Variants in BCAP29 observed in about 807,000 individuals in gnomAD.
BCAP29 encodes B cell receptor associated protein 29, also known as B-cell receptor-associated protein 29.
In BCAP29, 34 loss-of-function variants were observed where a neutral mutation model predicts 31.8. The ratio of observed to expected loss-of-function variants is 1.07; its 90% CI spans 0.81 to 1.42. The LOEUF (loss-of-function observed/expected upper bound fraction) is 1.42, where lower values mean the gene tolerates loss of function less well. Ranked by LOEUF, BCAP29 falls within the 40% of genes most tolerant of loss-of-function variation. BCAP29 has a pLI of 0.00. For synonymous variants in BCAP29, 104 were observed against 91.3 expected, an observed-to-expected ratio of 1.14 and a Z score of -0.79; for missense variants, 314 against 269.2, an observed-to-expected ratio of 1.17 and a Z score of -1.16.
chr7:107,622,120 C>G, downstream of BCAP29: 3 of 400,052 alleles, frequency 7.5e-6, no homozygotes, highest in South Asian at 6.2e-5. Context: ...AACTGCAAGC[C>G]ATCATCATCT....
At chr7:107,614,388 CA>C (rs1813755976) in intron 7 of BCAP29, among the ~76,000 whole-genome samples, 1 of 152,192 alleles carries the variant, frequency 6.6e-6, no homozygotes, top group African/African-American at 2.4e-5. Context: ...CAGGTTATAG[CA>C]TCCCTTTGGG....
intron 7 of BCAP29, among the ~76,000 whole-genome samples, chr7:107,614,286 G>A (rs1813736024): frequency 1.3e-5 from 2 of 152,186 alleles, no homozygotes; most frequent in African/African-American, 4.8e-5. Flanking sequence ...CCTGGCACAA[G>A]GCAAGCATAC....
chr7:107,608,438 G>A (rs1812551321), intron 6 of BCAP29, among the ~76,000 whole-genome samples: 1 of 152,040 alleles, frequency 6.6e-6, no homozygotes, highest in African/African-American at 2.4e-5. Context: ...GTGTCCCTTT[G>A]ACACATTTCC....
At chr7:107,605,409 C>G (rs889279835) in intron 6 of BCAP29, among the ~76,000 whole-genome samples, 1 of 152,166 alleles carries the variant, frequency 6.6e-6, no homozygotes, top group African/African-American at 2.4e-5. Context: ...TTCATTTCCT[C>G]CCCAGTGTGA....
chr7:107,599,628 G>A (rs1419175958), intron 5 of BCAP29, among the ~76,000 whole-genome samples: 1 of 151,166 alleles, frequency 6.6e-6, no homozygotes, highest in Non-Finnish European at 1.5e-5. Flanking sequence ...GTCTTTCTAG[G>A]TAATTTAAAT....
intron 4 of BCAP29, 27 bp from the exon 5 acceptor site, chr7:107,595,837 GTAA>G: frequency 3.1e-6 from 5 of 1,588,110 alleles, no homozygotes; most frequent in Non-Finnish European, 4.3e-6. Flanking sequence ...TGATTGGCCA[GTAA>G]TACATTATTC....
rs1374482197 is a variant in BCAP29, at chr7:107,618,358, CTG to C, written c.724_725del (p.Ter242AsnfsTer81). On this transcript the variant is annotated frameshift_variant, in exon 8 of 8. Transcript: ENST00000005259. LOFTEE classifies it high-confidence loss of function. The stretch of plus-strand genomic sequence containing the variant: ...TTTAGAAAGAGGCAACAAGAAAAGA[CTG>C]TGAACTTTATAAAAGACACTTGCAA... ...DRLERGNKKR[L>X] is the part of the protein sequence containing the mutation. 5.6e-6 allele frequency: 9 copies of C among 1,604,916 alleles called. No homozygotes were observed. In the Admixed American group the frequency reaches 1.5e-4, roughly 27 times the overall value.
At chr7:107,610,449 T>C (rs1299704517) in intron 6 of BCAP29, among the ~76,000 whole-genome samples, 1 of 152,084 alleles carries the variant, frequency 6.6e-6, no homozygotes, top group Non-Finnish European at 1.5e-5. Context: ...AGATAACAAG[T>C]TTATATAGTC....
downstream of BCAP29, chr7:107,622,554 T>C (rs1815069405): frequency 6.6e-6 from 1 of 152,422 alleles, no homozygotes; most frequent in Non-Finnish European, 1.5e-5. Context: ...TCTTACCCTA[T>C]TTTATTTTCA....
At chr7:107,606,601 GAAATGGGGCCACAAGTCTT>G (rs1233558415) in intron 6 of BCAP29, among the ~76,000 whole-genome samples, 3 of 152,160 alleles carry the variant, frequency 2.0e-5, no homozygotes, top group Non-Finnish European at 4.4e-5. Context: ...TGTGCTATGT[GAAATGGGGCCACAAGTCTT>G]AAATGTAGGG....
At chr7:107,584,444 C>A (rs886617031) in intron 3 of BCAP29, among the ~76,000 whole-genome samples, 1 of 152,344 alleles carries the variant, frequency 6.6e-6, no homozygotes, top group Admixed American at 6.5e-5. Flanking sequence ...CGAGGTGGCT[C>A]AGGCCTGTAA....
chr7:107,616,597 A>T (rs567328330), intron 7 of BCAP29, among the ~76,000 whole-genome samples: 1 of 152,304 alleles, frequency 6.6e-6, no homozygotes, highest in South Asian at 2.1e-4. Context: ...AAAGCACTTT[A>T]TATATTTATA....
chr7:107,605,822 G>T (rs1209942401), intron 6 of BCAP29, among the ~76,000 whole-genome samples: 1 of 152,110 alleles, frequency 6.6e-6, no homozygotes, highest in Non-Finnish European at 1.5e-5. Context: ...CTTATGGCAG[G>T]TTCATGTTTA....
chr7:107,591,198 C>T (rs1421347479), intron 3 of BCAP29, among the ~76,000 whole-genome samples: 1 of 152,184 alleles, frequency 6.6e-6, no homozygotes, highest in East Asian at 1.9e-4. Flanking sequence ...ATTCTACGGA[C>T]ATAACACAGT....
At chr7:107,615,389 G>A (rs1029584822) in intron 7 of BCAP29, 16 of 450,230 alleles carry the variant, frequency 3.6e-5, no homozygotes, top group Non-Finnish European at 3.1e-5. Context: ...GATCATGGGA[G>A]ATCAAGACCA....
At chr7:107,592,161 G>C (rs1808986386) in intron 3 of BCAP29, among the ~76,000 whole-genome samples, 1 of 151,956 alleles carries the variant, frequency 6.6e-6, no homozygotes. Context: ...AGAGACTACA[G>C]AAACATAACT....
At chr7:107,603,307 T>A (rs1811506523) in intron 6 of BCAP29, 2 of 152,092 alleles carry the variant, frequency 1.3e-5, no homozygotes, top group Non-Finnish European at 2.9e-5. Context: ...TAGCATTCAG[T>A]CATTGTATGC....
chr7:107,581,253 A>G (rs748630379), intron 2 of BCAP29, among the ~76,000 whole-genome samples: 3 of 152,238 alleles, frequency 2.0e-5, no homozygotes, highest in Non-Finnish European at 2.9e-5. Context: ...GCATGGGTGT[A>G]AAAGTGTTTC....
intron 5 of BCAP29, among the ~76,000 whole-genome samples, chr7:107,600,043 TATC>T (rs1323894495): frequency 1.3e-5 from 2 of 152,176 alleles, no homozygotes; most frequent in Non-Finnish European, 2.9e-5. Flanking sequence ...TTCTAATTAA[TATC>T]ATCCTCAGAA....
Sources: allele counts gnomAD v4.1 joint callset (sites outside exome capture counted in the v4.1 genomes callset), GRCh38; gene constraint gnomAD v4.1.1; transcripts MANE v1.5; gene names NCBI Gene and HGNC (gene_info 2026-07-23, HGNC 2026-07-21).